The following DENND5B variants were observed in gnomAD, a reference collection of about 807,000 sequenced individuals.
The protein encoded by DENND5B is DENN domain containing 5B, also known as DENN domain-containing protein 5B.
A neutral mutation model predicts 140.6 loss-of-function variants in DENND5B; 34 were observed. The ratio of observed to expected loss-of-function variants is 0.24; its 90% CI spans 0.18 to 0.32. The LOEUF (loss-of-function observed/expected upper bound fraction) is 0.32. DENND5B is among the 10% of genes least tolerant of loss of function. The probability of loss-of-function intolerance (pLI) is 1.00; values close to 1 mark genes in which losing one functional copy is unlikely to be tolerated. For missense variants in DENND5B, 1,142 were observed against 1,560.2 expected (o/e 0.73, Z 4.52); for synonymous variants, 551 against 562.1 (o/e 0.98, Z 0.28).
At chr12:31,436,024 C>T (rs943476849) in intron 7 of DENND5B, among the ~76,000 whole-genome samples, 3 of 152,012 alleles carry the variant, frequency 2.0e-5, no homozygotes, top group African/African-American at 7.3e-5. Context: ...TCTTGAACTC[C>T]TGAGCTTAAT....
intron 1 of DENND5B, among the ~76,000 whole-genome samples, chr12:31,521,772 C>T (rs1041709725): frequency 6.6e-6 from 1 of 152,168 alleles, no homozygotes; most frequent in African/African-American, 2.4e-5. Context: ...ATCCCCATGC[C>T]TTAGTTTAGG....
intron 19 of DENND5B, among the ~76,000 whole-genome samples, chr12:31,390,703 T>G (rs1274522908): frequency 6.6e-6 from 1 of 151,042 alleles, no homozygotes; most frequent in African/African-American, 2.4e-5. Context: ...GTTACTATAC[T>G]GGACAACACA....
Position 31,447,756 on chromosome 12 carries a change from G to A in DENND5B, c.1643C>T (p.Ser548Phe). 6.3e-7 allele frequency: 1 copy of A among 1,595,078 alleles called. No individual in the cohort carries two copies. Among genetic ancestry groups the A allele is most frequent in the Non-Finnish European group, 8.5e-7 (1 of 1,170,364 alleles). ...TGGCAGGTAAGGCTCAGGCTGGTCA[G>A]ACAGAAAGGAAGCCTGTAATGAGAT... ...MQNFDKASFL[S>F]DQPEPYLPFL... The change falls in exon 6 of 21, where the codon TCT becomes TTT. Residue 548 changes from serine to phenylalanine, a missense_variant. Around this residue, in one of 5 missense-constraint regions of DENND5B, gnomAD observed 708 missense variants for 905.5 expected, o/e 0.78. Coordinates refer to ENST00000389082, the MANE Select transcript of DENND5B (RefSeq NM_144973.4).
At chr12:31,536,649 AG>A in intron 1 of DENND5B, among the ~76,000 whole-genome samples, 1 of 150,244 alleles carries the variant, frequency 6.7e-6, no homozygotes, top group Non-Finnish European at 1.5e-5. Flanking sequence ...TAGGAATAGA[AG>A]ATGTATTTAA....
intron 8 of DENND5B, chr12:31,432,274 A>C: frequency 1.9e-5 from 4 of 212,252 alleles, no homozygotes; most frequent in Non-Finnish European, 3.2e-5. Flanking sequence ...AAGGGAAGAA[A>C]ATACAGTAGC....
chr12:31,472,098 C>T (rs1409441225), intron 3 of DENND5B, among the ~76,000 whole-genome samples: 1 of 152,174 alleles, frequency 6.6e-6, no homozygotes, highest in Non-Finnish European at 1.5e-5. Flanking sequence ...TTTATGTGGG[C>T]ACTCCATGTA....
chr12:31,546,707 G>T (rs542217493), intron 1 of DENND5B, among the ~76,000 whole-genome samples: 1 of 152,102 alleles, frequency 6.6e-6, no homozygotes, highest in East Asian at 1.9e-4. Flanking sequence ...ATTTCCAAGA[G>T]TATAAAATTA....
chr12:31,397,776 T>C (rs2137355205), intron 17 of DENND5B, among the ~76,000 whole-genome samples: 1 of 150,486 alleles, frequency 6.6e-6, no homozygotes, highest in South Asian at 2.1e-4. Context: ...ATACAAAAAT[T>C]AGCCAGGTGT....
intron 3 of DENND5B, among the ~76,000 whole-genome samples, chr12:31,478,569 C>T (rs116634110): frequency 0.017 from 2,555 of 152,152 alleles, 74 homozygotes; most frequent in African/African-American, 0.058. Context: ...GATGCGGTGG[C>T]ACATTCCTAT....
intron 17 of DENND5B, among the ~76,000 whole-genome samples, chr12:31,395,186 C>T (rs944287477): frequency 2.0e-5 from 3 of 152,116 alleles, no homozygotes; most frequent in Admixed American, 6.6e-5. Flanking sequence ...CTGGGCCAAG[C>T]GTACGGTAAG....
intron 1 of DENND5B, among the ~76,000 whole-genome samples, chr12:31,523,057 T>C (rs993115947): frequency 1.4e-5 from 2 of 147,554 alleles, no homozygotes; most frequent in African/African-American, 5.1e-5. Flanking sequence ...GCCTTTTTTT[T>C]TCCTTTTTTT....
intron 3 of DENND5B, among the ~76,000 whole-genome samples, chr12:31,479,055 T>C (rs892922265): frequency 6.6e-6 from 1 of 152,172 alleles, no homozygotes; most frequent in East Asian, 1.9e-4. Flanking sequence ...GGGAAAGTCA[T>C]CTGTCTCATG....
At chr12:31,427,588 T>G (rs1943305578) in intron 8 of DENND5B, among the ~76,000 whole-genome samples, 1 of 141,902 alleles carries the variant, frequency 7.0e-6, no homozygotes, top group African/African-American at 2.6e-5. Flanking sequence ...CCTGGGCAAC[T>G]GAGCAAGACT....
intron 2 of DENND5B, among the ~76,000 whole-genome samples, chr12:31,489,613 A>G (rs911883510): frequency 5.3e-5 from 8 of 152,224 alleles, no homozygotes; most frequent in African/African-American, 1.9e-4. Flanking sequence ...TTGAACATCT[A>G]CTATGCGCAA....
At chr12:31,464,600 G>A (rs984808044) in intron 3 of DENND5B, among the ~76,000 whole-genome samples, 7 of 151,896 alleles carry the variant, frequency 4.6e-5, no homozygotes, top group East Asian at 1.9e-4. Flanking sequence ...TCACTCTCTC[G>A]TCCAGGCTGG....
Position 31,557,761 on chromosome 12 carries a change from G to A in DENND5B, c.127+32945C>T, listed in dbSNP as rs559392030. 6.4e-4 allele frequency among the ~76,000 whole-genome samples: 95 copies of A among 147,454 alleles called. 1 individual carries two copies. The highest frequency in any genetic ancestry group is 2.1e-3 in the African/African-American group (85 of 39,548). Reference sequence around the variant, plus strand: ...AGAGAGAAAAAGAAAGGGCTGAAACGTGGGAACAATATACAACCTATTAAA... The same window carrying A: ...AGAGAGAAAAAGAAAGGGCTGAAACATGGGAACAATATACAACCTATTAAA... On this transcript the variant is annotated intron_variant, in intron 1 of 20. Coordinates refer to ENST00000389082, the MANE Select transcript of DENND5B (RefSeq NM_144973.4).
At chr12:31,431,451 T>C (rs1342558988) in intron 8 of DENND5B, among the ~76,000 whole-genome samples, 1 of 151,994 alleles carries the variant, frequency 6.6e-6, no homozygotes, top group Non-Finnish European at 1.5e-5. Context: ...AAGTCAGGAG[T>C]CTTGGGCTAT....
intron 2 of DENND5B, among the ~76,000 whole-genome samples, chr12:31,486,199 G>A (rs1031591314): frequency 2.1e-4 from 32 of 152,208 alleles, no homozygotes; most frequent in African/African-American, 7.5e-4. Context: ...CTGCCCTCAT[G>A]AAAGGATTCG....
At chr12:31,467,943 T>C (rs997755070) in intron 3 of DENND5B, among the ~76,000 whole-genome samples, 3 of 151,906 alleles carry the variant, frequency 2.0e-5, no homozygotes, top group Non-Finnish European at 4.4e-5. Flanking sequence ...ATGGCCAAAA[T>C]AAATGAAATT....
Sources: allele counts gnomAD v4.1 joint callset (sites outside exome capture counted in the v4.1 genomes callset), GRCh38; gene constraint gnomAD v4.1.1; regional missense constraint gnomAD v4.1.1; transcripts MANE v1.5; gene names NCBI Gene and HGNC (gene_info 2026-07-23, HGNC 2026-07-21).